Variants in CRYBB1 observed in about 807,000 individuals in gnomAD.
The protein encoded by CRYBB1 is beta-crystallin B1.
Under a neutral mutation model 29.5 loss-of-function variants are expected in CRYBB1, and 16 were observed. The ratio of observed to expected loss-of-function variants is 0.54; its 90% CI spans 0.37 to 0.82. The LOEUF (loss-of-function observed/expected upper bound fraction) is 0.82. Among genes scored for constraint, CRYBB1 ranks in the 40% least tolerant of loss-of-function variants. The probability of loss-of-function intolerance (pLI) is 0.00; values close to 1 mark genes in which losing one functional copy is unlikely to be tolerated. For missense variants in CRYBB1, 300 were observed against 350.5 expected, an observed-to-expected ratio of 0.86 and a Z score of 1.15; for synonymous variants, 127 against 136.7, an observed-to-expected ratio of 0.93 and a Z score of 0.49.
intron 5 of CRYBB1, among the ~76,000 whole-genome samples, chr22:26,600,862 C>G (rs1928798269): frequency 6.6e-6 from 1 of 152,230 alleles, no homozygotes; most frequent in Admixed American, 6.5e-5. Context: ...AACCTCTCCT[C>G]CTCTGACCTC....
At chr22:26,602,510 G>A (rs1376116799) in intron 4 of CRYBB1, among the ~76,000 whole-genome samples, 1 of 151,724 alleles carries the variant, frequency 6.6e-6, no homozygotes, top group African/African-American at 2.4e-5. Flanking sequence ...AGGATTGCTT[G>A]AGCCCAGGAA....
intron 2 of CRYBB1, among the ~76,000 whole-genome samples, chr22:26,614,304 G>T (rs913073489): frequency 1.2e-4 from 19 of 152,088 alleles, no homozygotes; most frequent in Admixed American, 3.3e-4. Context: ...TGCAGCTTGT[G>T]GGGCATCACG....
At chr22:26,602,151 C>T in intron 4 of CRYBB1, 130 bp from the exon 5 acceptor site, 1 of 1,141,254 alleles carries the variant, frequency 8.8e-7, no homozygotes, top group Non-Finnish European at 1.3e-6. Context: ...TCTCCAGGGA[C>T]CACTGCTGTC....
At chr22:26,611,725 C>T (rs923834785) in intron 3 of CRYBB1, among the ~76,000 whole-genome samples, 14 of 152,120 alleles carry the variant, frequency 9.2e-5, no homozygotes, top group Non-Finnish European at 2.1e-4. Flanking sequence ...CCACCCGCCT[C>T]GGCCTCCCAA....
intron 2 of CRYBB1, among the ~76,000 whole-genome samples, chr22:26,613,018 C>A (rs1205574329): frequency 6.6e-6 from 1 of 152,176 alleles, no homozygotes; most frequent in Non-Finnish European, 1.5e-5. Context: ...CATTACCCAG[C>A]CCCTCCAAAG....
intron 4 of CRYBB1, 107 bp from the exon 5 acceptor site, chr22:26,602,128 G>C: frequency 1.4e-6 from 2 of 1,411,386 alleles, no homozygotes; most frequent in South Asian, 1.2e-5. Flanking sequence ...GCCTGTTCAG[G>C]CTGCTGGGGG....
chr22:26,611,962 G>A, intron 3 of CRYBB1, 110 bp downstream of exon 3: 2 of 798,668 alleles, frequency 2.5e-6, no homozygotes, highest in South Asian at 1.3e-5. Flanking sequence ...GTATGTGCCA[G>A]GAGTACGAAC....
chr22:26,609,684 T>C (rs1398420136), intron 3 of CRYBB1, among the ~76,000 whole-genome samples: 4 of 152,138 alleles, frequency 2.6e-5, no homozygotes, highest in South Asian at 2.1e-4. Flanking sequence ...AGATGGATGA[T>C]GAATAAATGG....
chr22:26,612,049 C>A (rs746375503), intron 3 of CRYBB1, 23 bp downstream of exon 3: 10 of 1,525,962 alleles, frequency 6.6e-6, no homozygotes, highest in Non-Finnish European at 9.1e-6. Flanking sequence ...AGAGAGTGTG[C>A]CCCTCCGCCG....
chr22:26,600,744 C>T (rs1285692430), intron 5 of CRYBB1, among the ~76,000 whole-genome samples: 2 of 152,254 alleles, frequency 1.3e-5, no homozygotes, highest in African/African-American at 4.8e-5. Context: ...TCTTTCCAGG[C>T]TTCTGCCAGA....
intron 4 of CRYBB1, among the ~76,000 whole-genome samples, chr22:26,604,238 C>A (rs1928908492): frequency 1.3e-5 from 2 of 152,216 alleles, no homozygotes; most frequent in African/African-American, 4.8e-5. Flanking sequence ...TTAGGCCAGT[C>A]ATTTTCTACT....
intron 2 of CRYBB1, among the ~76,000 whole-genome samples, chr22:26,615,281 A>G (rs1929306652): frequency 6.6e-6 from 1 of 152,084 alleles, no homozygotes. Flanking sequence ...ACCTCGAGCA[A>G]TTTTGAGGGT....
intron 3 of CRYBB1, 50 bp from the exon 4 acceptor site, chr22:26,608,071 A>C: frequency 1.9e-6 from 3 of 1,613,580 alleles, no homozygotes; most frequent in Non-Finnish European, 2.5e-6. Flanking sequence ...TGGTTAGTAG[A>C]AGCCCCCACT....
At chr22:26,616,565 G>A (rs751304420) in intron 1 of CRYBB1, among the ~76,000 whole-genome samples, 36 of 152,124 alleles carry the variant, frequency 2.4e-4, no homozygotes, top group Non-Finnish European at 4.9e-4. Flanking sequence ...TTGACCATGC[G>A]GTTCCCTCCA....
rs544716101 is a variant in CRYBB1 at position 26,612,337 on chromosome 22, C to T, written c.181-147G>A. On this transcript the variant is annotated intron_variant, in intron 2 of 5. Coordinates refer to ENST00000647684, the MANE Select transcript of CRYBB1 (RefSeq NM_001887.4). Reference sequence around the variant, plus strand: ...TTGTGAAATGATCCTGTCCTCCCATCCCCCAATTCTTTACTGATTTTTGTT... The same window carrying T: ...TTGTGAAATGATCCTGTCCTCCCATTCCCCAATTCTTTACTGATTTTTGTT... 3.1e-5 allele frequency: 20 copies of T among 638,764 alleles called. No homozygotes were observed. The East Asian group carries it at 5.2e-4, about 17-fold the overall frequency. 39.6% of individuals were successfully genotyped at this position (638,764 alleles called of 1,614,324 possible).
chr22:26,616,168 G>T lies in CRYBB1; in HGVS notation c.152C>A (p.Ala51Glu), dbSNP rs144920095. 89 of 1,614,186 alleles carry T rather than the reference G, an allele frequency of 5.5e-5. No homozygotes were observed. In the African/African-American group the frequency reaches 1.2e-3, roughly 21 times the overall value. Residue 51 changes from alanine (A) to glutamate (E), a missense_variant, in exon 2 of 6, where the codon GCG (alanine) becomes GAG (glutamate). Coordinates refer to ENST00000647684, the MANE Select transcript of CRYBB1 (RefSeq NM_001887.4). ...GTAGTTCCCAGGAGGCAGTTCCGCC[G>T]CCTTGGCGCTGGTAATAGGCACGGT... ...PTTVPITSAK[A>E]AELPPGNYRL...
At position 26,602,535 on chromosome 22, in the gene CRYBB1, G is replaced by A. The variant is rs554220342; in HGVS notation, c.433-514C>T. Among the ~76,000 whole-genome samples, 257 of 151,556 alleles carry A rather than the reference G, an allele frequency of 1.7e-3. 2 individuals carry two copies. The highest frequency in any genetic ancestry group is 2.8e-3 in the Non-Finnish European group (191 of 67,948). ...GAGCCCAGGAAGTTGAGGCTGCAGC[G>A]AGATATGATTACACCACTGCACTCC... On this transcript the variant is annotated intron_variant, in intron 4 of 5. Transcript: ENST00000647684.
chr22:26,601,779 C>T, intron 5 of CRYBB1, 100 bp downstream of exon 5: 2 of 1,582,932 alleles, frequency 1.3e-6, no homozygotes, highest in Non-Finnish European at 1.7e-6. Flanking sequence ...GGGCCATGGC[C>T]TTCTCTAGGA....
chr22:26,616,257 G>A lies in CRYBB1; in HGVS notation c.63C>T (p.Thr21=). The change falls in exon 2 of 6, where the codon ACC becomes ACT. Residue 21 remains threonine, a synonymous_variant. Transcript: ENST00000647684. The part of the protein sequence containing the change: ...ATVAVNPGPD[T]KGKGAPPAGT... ...CTGCAGGTGGGGCCCCCTTCCCCTT[G>A]GTGTCAGGCCCTGGGTTCACCGCCA... The A allele has an allele frequency of 4.3e-6, 7 of 1,614,058 alleles. No individual in the cohort carries two copies. The highest frequency in any genetic ancestry group is 5.9e-6 in the Non-Finnish European group (7 of 1,179,906).
Sources: gnomAD v4.1 joint callset for allele counts (sites outside exome capture counted in the v4.1 genomes callset) on GRCh38, gnomAD v4.1.1 for gene constraint, MANE v1.5 for transcripts, NCBI Gene and HGNC (gene_info 2026-07-23, HGNC 2026-07-21) for gene names.